The following PRKN variants were observed in gnomAD, a reference collection of about 807,000 sequenced individuals.
PRKN encodes E3 ubiquitin-protein ligase parkin.
Under a neutral mutation model 59.5 loss-of-function variants are expected in PRKN, and 56 were observed. The ratio of observed to expected loss-of-function variants is 0.94; its 90% CI spans 0.76 to 1.18. PRKN has a LOEUF of 1.18. Among genes scored for constraint, PRKN ranks in the 50% most tolerant of loss-of-function variants. The probability of loss-of-function intolerance (pLI) is 0.00; values close to 1 mark genes in which losing one functional copy is unlikely to be tolerated. For missense variants in PRKN, 657 were observed against 596.4 expected, an observed-to-expected ratio of 1.10 and a Z score of -1.06; for synonymous variants, 250 against 222.1, an observed-to-expected ratio of 1.13 and a Z score of -1.12.
chr6:162,605,155 A>AT (rs1781861129), intron 1 of PRKN, among the ~76,000 whole-genome samples: 1 of 152,126 alleles, frequency 6.6e-6, no homozygotes, highest in South Asian at 2.1e-4. Context: ...GGTATAGATG[A>AT]TTTTTTCAGT....
intron 1 of PRKN, among the ~76,000 whole-genome samples, chr6:162,657,415 G>T (rs778015097): frequency 6.6e-6 from 1 of 151,998 alleles, no homozygotes; most frequent in Admixed American, 6.6e-5. Context: ...TAAAATCAAA[G>T]TTGAGTAAAT....
intron 2 of PRKN, among the ~76,000 whole-genome samples, chr6:162,366,367 A>C (rs12203792): frequency 0.29 from 43,503 of 152,048 alleles, 6,387 homozygotes; most frequent in African/African-American, 0.32. Flanking sequence ...TTATATCCAA[A>C]TGGGATTTAT....
chr6:161,725,327 G>A (rs539863527), intron 7 of PRKN, among the ~76,000 whole-genome samples: 46 of 152,282 alleles, frequency 3.0e-4, no homozygotes, highest in African/African-American at 1.1e-3. Flanking sequence ...CAGTTCACTA[G>A]ATCATAAATT....
Position 161,405,327 on chromosome 6 carries a change from C to T in PRKN, c.1084-18450G>A, listed in dbSNP as rs1343650908. 6.6e-6 allele frequency among the ~76,000 whole-genome samples: 1 copy of T among 152,120 alleles called. No individual in the cohort carries two copies. The highest frequency in any genetic ancestry group is 1.5e-5 in the Non-Finnish European group (1 of 68,020). ...GCATGGTGGCTCATGCCTGTAATCT[C>T]AGCACTTTGGGAGGCTGAGGCAGGT... On this transcript the variant is annotated intron_variant, in intron 9 of 11. Transcript: ENST00000366898. This position sits in a 1 kb window ranked among gnomAD's most constrained non-coding sequence, Gnocchi z 5.1.
At chr6:162,526,307 C>A in intron 1 of PRKN, among the ~76,000 whole-genome samples, 1 of 143,074 alleles carries the variant, frequency 7.0e-6, no homozygotes, top group Non-Finnish European at 1.5e-5. Flanking sequence ...TACTTGGTAT[C>A]ATTAGAAGTA....
At chr6:162,600,921 A>AAATTT (rs1781682909) in intron 1 of PRKN, among the ~76,000 whole-genome samples, 1 of 152,136 alleles carries the variant, frequency 6.6e-6, no homozygotes, top group Admixed American at 6.5e-5. Context: ...TTTTCTTTAT[A>AAATTT]AATTACCCAG....
intron 4 of PRKN, among the ~76,000 whole-genome samples, chr6:162,081,984 T>C (rs1254942059): frequency 6.6e-6 from 1 of 152,166 alleles, no homozygotes; most frequent in Non-Finnish European, 1.5e-5. Flanking sequence ...CTCTGCCAGC[T>C]GAACAACTTT....
intron 2 of PRKN, among the ~76,000 whole-genome samples, chr6:162,413,855 A>C (rs1788474801): frequency 6.6e-6 from 1 of 152,122 alleles, no homozygotes; most frequent in African/African-American, 2.4e-5. Flanking sequence ...GCAGGCTGCT[A>C]TGCTGGGCCC....
intron 7 of PRKN, among the ~76,000 whole-genome samples, chr6:161,779,435 C>CTTTT (rs1583153971): frequency 1.2e-4 from 5 of 40,434 alleles, no homozygotes; most frequent in African/African-American, 2.5e-4. Flanking sequence ...TTTTTCTTTT[C>CTTTT]TTTTCTTTTT....
At chr6:161,737,243 C>T (rs73783376) in intron 7 of PRKN, among the ~76,000 whole-genome samples, 5,059 of 152,222 alleles carry the variant, frequency 0.033, 300 homozygotes, top group African/African-American at 0.12. Flanking sequence ...GGGGAATCCA[C>T]TTAAAGGGGA....
intron 1 of PRKN, among the ~76,000 whole-genome samples, chr6:162,640,138 C>T (rs192326913): frequency 6.6e-6 from 1 of 152,148 alleles, no homozygotes; most frequent in East Asian, 1.9e-4. Flanking sequence ...AGCCAAGTAC[C>T]AAGTGCCAAG....
intron 1 of PRKN, among the ~76,000 whole-genome samples, chr6:162,615,465 C>G (rs1398799181): frequency 2.0e-5 from 3 of 151,662 alleles, no homozygotes; most frequent in Non-Finnish European, 2.9e-5. Flanking sequence ...TTTAGACCTG[C>G]ACACAGACCT....
In PRKN at chr6:162,357,680, A is replaced by T. The variant is rs1784933036; in HGVS notation, c.171+85630T>A. ...GAAACAAGATGTCCATTAATGCATC[A>T]GCAGGTGAATGAACAAACTCTGGTT... On this transcript the variant is annotated intron_variant, in intron 2 of 11. Transcript: ENST00000366898. 2.0e-5 allele frequency among the ~76,000 whole-genome samples: 3 copies of T among 152,242 alleles called. No homozygotes were observed. In the South Asian group the frequency reaches 6.2e-4, roughly 31 times the overall value.
At chr6:162,104,363 G>A (rs1167416093) in intron 4 of PRKN, among the ~76,000 whole-genome samples, 1 of 152,128 alleles carries the variant, frequency 6.6e-6, no homozygotes, top group East Asian at 1.9e-4. Flanking sequence ...GGGAATCTAT[G>A]TAACCTTCCA....
chr6:162,130,103 C>T (rs1033780885), intron 4 of PRKN, among the ~76,000 whole-genome samples: 11 of 152,050 alleles, frequency 7.2e-5, no homozygotes, highest in African/African-American at 2.2e-4. Context: ...CCCTACCAAA[C>T]GAAGAATGAT....
At chr6:161,806,011 C>A (rs138852485) in intron 6 of PRKN, among the ~76,000 whole-genome samples, 6 of 152,222 alleles carry the variant, frequency 3.9e-5, no homozygotes, top group Admixed American at 3.9e-4. Flanking sequence ...CACAGAGCAG[C>A]CTACTCCCTG....
intron 4 of PRKN, among the ~76,000 whole-genome samples, chr6:162,148,492 G>A (rs1782123065): frequency 6.6e-6 from 1 of 152,060 alleles, no homozygotes; most frequent in Non-Finnish European, 1.5e-5. Context: ...ATAACTTGTA[G>A]CCTAATTCAC....
chr6:162,144,986 C>T (rs1475356266), intron 4 of PRKN, among the ~76,000 whole-genome samples: 1 of 152,322 alleles, frequency 6.6e-6, no homozygotes, highest in Middle Eastern at 3.4e-3. Context: ...CAGGCTTTCA[C>T]ACAGAACTCC....
intron 5 of PRKN, among the ~76,000 whole-genome samples, chr6:162,044,879 A>G (rs1000557731): frequency 1.3e-5 from 2 of 152,194 alleles, no homozygotes; most frequent in African/African-American, 4.8e-5. Context: ...CACTCATGAT[A>G]TACTAACTTG....
Sources: allele counts gnomAD v4.1 joint callset (sites outside exome capture counted in the v4.1 genomes callset), GRCh38; gene constraint gnomAD v4.1.1; non-coding constraint Gnocchi (gnomAD v3.1); transcripts MANE v1.5; gene names NCBI Gene and HGNC (gene_info 2026-07-23, HGNC 2026-07-21).